Variants in COL19A1 observed in about 807,000 individuals in gnomAD.
COL19A1 encodes the protein collagen type XIX alpha 1 chain.
COL19A1 carries 159 observed loss-of-function variants against 190.2 expected under a neutral mutation model. That is an observed-to-expected ratio of 0.84 (90% CI 0.73 to 0.95). COL19A1 has a LOEUF of 0.95. Ranked by LOEUF, COL19A1 falls within the 40% of genes least tolerant of loss-of-function variation. COL19A1 has a pLI of 0.00. For missense variants in COL19A1, 1,418 were observed against 1,431.9 expected, an observed-to-expected ratio of 0.99 and a Z score of 0.16; for synonymous variants, 509 against 458.9, an observed-to-expected ratio of 1.11 and a Z score of -1.39.
chr6:69,943,545 A>T (rs989841013), intron 9 of COL19A1, among the ~76,000 whole-genome samples: 10 of 152,144 alleles, frequency 6.6e-5, no homozygotes, highest in African/African-American at 2.4e-4. Flanking sequence ...TTTGGGCTCT[A>T]CATTTAAGTT....
chr6:69,971,714 A>G (rs1775435182), intron 11 of COL19A1, among the ~76,000 whole-genome samples: 1 of 152,174 alleles, frequency 6.6e-6, no homozygotes, highest in African/African-American at 2.4e-5. Flanking sequence ...ACAAAGGTGT[A>G]ACTGCTATTA....
At chr6:69,918,189 CT>C (rs894585079) in intron 4 of COL19A1, among the ~76,000 whole-genome samples, 6 of 152,116 alleles carry the variant, frequency 3.9e-5, no homozygotes, top group Non-Finnish European at 7.4e-5. Flanking sequence ...CCATGCAACA[CT>C]TTTAGAAGGT....
chr6:69,955,863 G>C (rs549560361), intron 9 of COL19A1, among the ~76,000 whole-genome samples: 1 of 152,078 alleles, frequency 6.6e-6, no homozygotes, highest in Admixed American at 6.6e-5. Flanking sequence ...GCAAAATATG[G>C]GGAAGGTTAA....
intron 4 of COL19A1, among the ~76,000 whole-genome samples, chr6:69,909,254 T>C (rs1224984913): frequency 6.6e-6 from 1 of 152,124 alleles, no homozygotes; most frequent in East Asian, 1.9e-4. Flanking sequence ...TTCACTTGTC[T>C]TGTTGAAACA....
chr6:70,107,291 TG>T (rs1784035470), intron 16 of COL19A1, among the ~76,000 whole-genome samples: 1 of 152,294 alleles, frequency 6.6e-6, no homozygotes, highest in East Asian at 1.9e-4. Flanking sequence ...GGCACTATCC[TG>T]ACTCCAGACA....
At chr6:70,070,498 T>A (rs935091387) in intron 15 of COL19A1, among the ~76,000 whole-genome samples, 15 of 152,156 alleles carry the variant, frequency 9.9e-5, no homozygotes, top group African/African-American at 3.6e-4. Flanking sequence ...CTTTCCCAAA[T>A]GCCCTATTTA....
chr6:69,980,490 T>G (rs938373478), intron 11 of COL19A1, among the ~76,000 whole-genome samples: 9 of 152,244 alleles, frequency 5.9e-5, no homozygotes, highest in African/African-American at 1.7e-4. Context: ...TAAGTGTATA[T>G]CTAACCAAGA....
At chr6:69,942,543 C>T (rs1266972053) in intron 9 of COL19A1, among the ~76,000 whole-genome samples, 11 of 152,058 alleles carry the variant, frequency 7.2e-5, no homozygotes, top group Admixed American at 2.0e-4. Context: ...CCTTCCCAGC[C>T]CCAGTAACCA....
At chr6:69,998,175 T>C (rs1243291414) in intron 11 of COL19A1, among the ~76,000 whole-genome samples, 1 of 152,186 alleles carries the variant, frequency 6.6e-6, no homozygotes, top group African/African-American at 2.4e-5. Context: ...CAACAAAGTA[T>C]AAAATGAATT....
chr6:70,063,952 C>G (rs1280265116), intron 14 of COL19A1, among the ~76,000 whole-genome samples: 1 of 152,060 alleles, frequency 6.6e-6, no homozygotes. Flanking sequence ...CTTAATAGAC[C>G]AATAATAGGC....
At chr6:69,985,971 CAT>C (rs1731208935) in intron 11 of COL19A1, among the ~76,000 whole-genome samples, 1 of 151,930 alleles carries the variant, frequency 6.6e-6, no homozygotes, top group South Asian at 2.1e-4. Flanking sequence ...CTTGTTAAAA[CAT>C]ATATTCTTCA....
chr6:70,166,417 A>G (rs775787152), intron 37 of COL19A1, among the ~76,000 whole-genome samples: 1 of 151,986 alleles, frequency 6.6e-6, no homozygotes, highest in Non-Finnish European at 1.5e-5. Flanking sequence ...ATGCAAGGAA[A>G]CTCTATTTAT....
At chr6:70,124,808 A>T (rs1174570489) in intron 17 of COL19A1, among the ~76,000 whole-genome samples, 1 of 152,198 alleles carries the variant, frequency 6.6e-6, no homozygotes, top group Non-Finnish European at 1.5e-5. Flanking sequence ...ACCATTTAGC[A>T]TTAGAGGCTT....
intron 14 of COL19A1, among the ~76,000 whole-genome samples, chr6:70,039,001 C>T (rs1411824462): frequency 6.6e-6 from 1 of 151,934 alleles, no homozygotes; most frequent in Non-Finnish European, 1.5e-5. Context: ...TTGCAGTGAG[C>T]CGAGATCGCG....
At chr6:70,104,521 G>A (rs555225917) in intron 16 of COL19A1, among the ~76,000 whole-genome samples, 1 of 152,124 alleles carries the variant, frequency 6.6e-6, no homozygotes, top group Non-Finnish European at 1.5e-5. Flanking sequence ...CTCCCACCAG[G>A]TTCCTCCCCC....
chr6:70,088,337 C>A (rs1157305455), intron 15 of COL19A1, among the ~76,000 whole-genome samples: 1 of 152,032 alleles, frequency 6.6e-6, no homozygotes, highest in Non-Finnish European at 1.5e-5. Flanking sequence ...TTCAGATTCA[C>A]TTAATTAATA....
intron 9 of COL19A1, among the ~76,000 whole-genome samples, chr6:69,949,535 T>A (rs1421408476): frequency 6.6e-6 from 1 of 151,896 alleles, no homozygotes; most frequent in Non-Finnish European, 1.5e-5. Context: ...TTTTTTAAAT[T>A]TCAAAATTTT....
Position 70,140,950 on chromosome 6 carries a change from T to A in COL19A1, c.1447-4T>A. ...TAATTCTATTTTCTACCCCTTCTCC[T>A]TAGGGAGAGCCTTTTACAAAAGGAG... On this transcript the variant is annotated splice_polypyrimidine_tract_variant and splice_region_variant and intron_variant, in intron 19 of 50. Coordinates refer to ENST00000620364, the MANE Select transcript of COL19A1 (RefSeq NM_001858.6). 1 of 1,610,478 alleles carries A rather than the reference T, an allele frequency of 6.2e-7. No homozygotes were observed. The highest frequency in any genetic ancestry group is 8.5e-7 in the Non-Finnish European group (1 of 1,177,342).
chr6:70,046,816 A>G (rs969395813), intron 14 of COL19A1, among the ~76,000 whole-genome samples: 1 of 152,196 alleles, frequency 6.6e-6, no homozygotes, highest in African/African-American at 2.4e-5. Context: ...ATAACTTGCT[A>G]TAAATTTGAG....
Sources: allele counts gnomAD v4.1 joint callset (sites outside exome capture counted in the v4.1 genomes callset), GRCh38; gene constraint gnomAD v4.1.1; transcripts MANE v1.5; gene names NCBI Gene and HGNC (gene_info 2026-07-23, HGNC 2026-07-21).